The following KCNH8 variants were observed in gnomAD, a reference collection of about 807,000 sequenced individuals.
The protein encoded by KCNH8 is potassium voltage-gated channel subfamily H member 8.
In KCNH8, 70 loss-of-function variants were observed where a neutral mutation model predicts 103.6. The ratio of observed to expected loss-of-function variants is 0.68; its 90% CI spans 0.56 to 0.82. The LOEUF is 0.82. KCNH8 is among the 40% of genes least tolerant of loss of function. KCNH8 has a pLI of 0.00. For synonymous variants in KCNH8, 498 were observed against 489.4 expected, an observed-to-expected ratio of 1.02 and a Z score of -0.23; for missense variants, 1,217 against 1,329.9, an observed-to-expected ratio of 0.92 and a Z score of 1.32.
chr3:19,403,394 AT>A (rs1559311321), intron 7 of KCNH8, among the ~76,000 whole-genome samples: 14 of 102,670 alleles, frequency 1.4e-4, no homozygotes, highest in African/African-American at 5.2e-4. Flanking sequence ...ATATATATAT[AT>A]ATATAAAATC....
chr3:19,187,363 T>C (rs919994699), intron 1 of KCNH8, among the ~76,000 whole-genome samples: 4 of 151,976 alleles, frequency 2.6e-5, no homozygotes, highest in African/African-American at 9.7e-5. Flanking sequence ...TCTATGCATA[T>C]ATATAATATA....
chr3:19,427,590 A>G (rs901554980), intron 7 of KCNH8, among the ~76,000 whole-genome samples: 6 of 152,196 alleles, frequency 3.9e-5, no homozygotes, highest in African/African-American at 1.4e-4. Context: ...AGTTCACAAG[A>G]CAGTAACCAA....
intron 11 of KCNH8, among the ~76,000 whole-genome samples, chr3:19,500,074 A>G (rs1457135477): frequency 6.6e-6 from 1 of 152,212 alleles, no homozygotes; most frequent in Non-Finnish European, 1.5e-5. Flanking sequence ...ACATAGGCTC[A>G]AATTAAAGGA....
intron 3 of KCNH8, among the ~76,000 whole-genome samples, chr3:19,328,324 A>C (rs1178810483): frequency 6.6e-6 from 1 of 152,078 alleles, no homozygotes; most frequent in African/African-American, 2.4e-5. Flanking sequence ...AGCATTGTCT[A>C]ATGTTTCTGA....
At chr3:19,192,786 C>T (rs776562393) in intron 1 of KCNH8, among the ~76,000 whole-genome samples, 2 of 138,366 alleles carry the variant, frequency 1.4e-5, no homozygotes, top group East Asian at 1.9e-4. Flanking sequence ...ATGGAGTTGG[C>T]TTGGATTTGT....
intron 3 of KCNH8, among the ~76,000 whole-genome samples, chr3:19,287,837 G>C (rs904047075): frequency 1.3e-5 from 2 of 151,256 alleles, no homozygotes; most frequent in Admixed American, 1.3e-4. Context: ...ACCTGCCTCG[G>C]CCTCCTGAAG....
chr3:19,199,345 G>T (rs959908815), intron 1 of KCNH8, among the ~76,000 whole-genome samples: 1 of 151,858 alleles, frequency 6.6e-6, no homozygotes, highest in Non-Finnish European at 1.5e-5. Context: ...TACATAAATC[G>T]TAATCAGAAA....
chr3:19,307,426 T>C (rs952547390), intron 3 of KCNH8, among the ~76,000 whole-genome samples: 1 of 151,716 alleles, frequency 6.6e-6, no homozygotes, highest in Non-Finnish European at 1.5e-5. Context: ...AGGGAACTCT[T>C]ATACACTGTT....
At chr3:19,343,999 T>TC (rs58735409) in intron 4 of KCNH8, among the ~76,000 whole-genome samples, 1 of 151,356 alleles carries the variant, frequency 6.6e-6, no homozygotes, top group South Asian at 2.1e-4. Flanking sequence ...TTTTTTTTTT[T>TC]GGTCCTAATT....
chr3:19,323,674 T>A (rs2065381513), intron 3 of KCNH8, among the ~76,000 whole-genome samples: 1 of 152,060 alleles, frequency 6.6e-6, no homozygotes, highest in Admixed American at 6.6e-5. Flanking sequence ...GCTGTTCAGA[T>A]TTTTTTGTCC....
At chr3:19,487,590 T>C (rs1254111603) in intron 11 of KCNH8, among the ~76,000 whole-genome samples, 4 of 152,152 alleles carry the variant, frequency 2.6e-5, no homozygotes, top group African/African-American at 4.8e-5. Flanking sequence ...GGGTGCTTGA[T>C]TGACTGCCAG....
chr3:19,163,799 T>A (rs1214681783), intron 1 of KCNH8, among the ~76,000 whole-genome samples: 1 of 152,218 alleles, frequency 6.6e-6, no homozygotes, highest in Non-Finnish European at 1.5e-5. Context: ...ATGATAAGGA[T>A]GAAGACCTTT....
At chr3:19,512,022 T>C (rs2068791778) in intron 12 of KCNH8, among the ~76,000 whole-genome samples, 1 of 152,150 alleles carries the variant, frequency 6.6e-6, no homozygotes. Flanking sequence ...ATCTTAGGGA[T>C]TTTCAGTTCT....
chr3:19,413,885 A>G (rs1031957438), intron 7 of KCNH8, among the ~76,000 whole-genome samples: 1 of 152,112 alleles, frequency 6.6e-6, no homozygotes, highest in Admixed American at 6.6e-5. Context: ...GCCAGGATGA[A>G]GACATAATAT....
At chr3:19,383,375 C>T (rs1474461946) in intron 5 of KCNH8, among the ~76,000 whole-genome samples, 4 of 151,546 alleles carry the variant, frequency 2.6e-5, no homozygotes, top group Admixed American at 6.6e-5. Context: ...TCTCAGTGTT[C>T]GTTAATTTTT....
At chr3:19,255,268 C>T (rs1340190128) in intron 2 of KCNH8, among the ~76,000 whole-genome samples, 5 of 152,088 alleles carry the variant, frequency 3.3e-5, no homozygotes, top group South Asian at 2.1e-4. Context: ...AAATTTCTAT[C>T]GTTTAAGCTA....
chr3:19,465,316 A>C lies in KCNH8; in HGVS notation c.2040+8334A>C, dbSNP rs1241248419. ...GCTAAATCTTTTCTGCCTGTACTCT[A>C]TAAATGGAACAACAAAGCCTAGATG... is the stretch of plus-strand genomic sequence containing the variant. On this transcript the variant is annotated intron_variant, in intron 11 of 15. Coordinates refer to ENST00000328405, the MANE Select transcript of KCNH8 (RefSeq NM_144633.3). Among the ~76,000 whole-genome samples the C allele has an allele frequency of 3.3e-5, 5 of 152,182 alleles. No homozygotes were observed. In the East Asian group the frequency reaches 7.7e-4, roughly 23 times the overall value.
intron 1 of KCNH8, among the ~76,000 whole-genome samples, chr3:19,220,898 T>TTATC (rs2063867151): frequency 6.6e-6 from 1 of 152,182 alleles, no homozygotes; most frequent in African/African-American, 2.4e-5. Flanking sequence ...AGACAAAGCT[T>TTATC]TATCAAGAAC....
rs192472973 is a variant in KCNH8 at position 19,258,277 on chromosome 3, G to A, written c.310+4390G>A. Among the ~76,000 whole-genome samples, 372 of 152,064 alleles carry A rather than the reference G, an allele frequency of 2.4e-3. 6 individuals are homozygous for A. The highest frequency in any genetic ancestry group is 1.2e-3 in the Admixed American group (19 of 15,250). ...TACAAACTAGTAAATAAAAAACCCC[G>A]AATGCATAAACATTCTTGCTTGACT... On this transcript the variant is annotated intron_variant, in intron 2 of 15. Transcript: ENST00000328405.
Sources: allele counts gnomAD v4.1 joint callset (sites outside exome capture counted in the v4.1 genomes callset), GRCh38; gene constraint gnomAD v4.1.1; transcripts MANE v1.5; gene names NCBI Gene and HGNC (gene_info 2026-07-23, HGNC 2026-07-21).